The following FAM53A variants were observed in gnomAD, a reference collection of about 807,000 sequenced individuals.
FAM53A encodes protein FAM53A.
FAM53A carries 28 observed loss-of-function variants against 26.6 expected under a neutral mutation model. The ratio of observed to expected loss-of-function variants is 1.05; its 90% CI spans 0.78 to 1.45. The LOEUF (loss-of-function observed/expected upper bound fraction) is 1.45. Among genes scored for constraint, FAM53A ranks in the 40% most tolerant of loss-of-function variants. FAM53A has a pLI of 0.00. For missense variants in FAM53A, 650 were observed against 575.8 expected, an observed-to-expected ratio of 1.13 and a Z score of -1.32; for synonymous variants, 290 against 253.1, an observed-to-expected ratio of 1.15 and a Z score of -1.38.
chr4:1,615,205 GAAA>G (rs1714762600), downstream of FAM53A, among the ~76,000 whole-genome samples: 1 of 144,862 alleles, frequency 6.9e-6, no homozygotes, highest in Non-Finnish European at 1.5e-5. Context: ...CACACACACG[GAAA>G]ACAGGATGCG....
At chr4:1,611,556 C>T in the FAM53A span, among the ~76,000 whole-genome samples, 1 of 152,234 alleles carries the variant, frequency 6.6e-6, no homozygotes, top group Non-Finnish European at 1.5e-5. Flanking sequence ...CTTCAAAGGC[C>T]ACATGTAGCC....
the FAM53A span, among the ~76,000 whole-genome samples, chr4:1,593,528 A>G: frequency 2.0e-5 from 3 of 152,218 alleles, no homozygotes; most frequent in African/African-American, 7.2e-5. Context: ...CAGCTGATAA[A>G]TGGTCCCCTC....
rs1339385350 is a variant in FAM53A, at chr4:1,650,356, TTGAC to T, written c.882+4618_882+4621del. ...CTGTGAGGTGGCACAGGCGTGGTGT[TTGAC>T]TGTGAGGTGGCACAGGTGTGGTGTT... is the stretch of plus-strand genomic sequence containing the variant. On this transcript the variant is annotated intron_variant, in intron 4 of 4. Coordinates refer to ENST00000308132, the MANE Select transcript of FAM53A (RefSeq NM_001174070.3). Among the ~76,000 whole-genome samples the T allele has an allele frequency of 1.2e-4, 15 of 128,278 alleles. 1 individual carries two copies. The highest frequency in any genetic ancestry group is 1.4e-4 in the Non-Finnish European group (9 of 62,218). 84.2% of individuals were successfully genotyped at this position (128,278 alleles called of 152,430 possible).
At chr4:1,590,955 C>CATATATACATATACAT in the FAM53A span, among the ~76,000 whole-genome samples, 1 of 46,306 alleles carries the variant, frequency 2.2e-5, no homozygotes, top group East Asian at 7.0e-4. Flanking sequence ...TTATTTAATG[C>CATATATACATATACAT]ATATATATAT....
At chr4:1,598,808 C>T in the FAM53A span, among the ~76,000 whole-genome samples, 13,891 of 152,252 alleles carry the variant, frequency 0.091, 1,813 homozygotes, top group African/African-American at 0.29. Context: ...GCCCGGCGGG[C>T]GGAGCGTAAT....
At position 1,641,453 on chromosome 4, in the gene FAM53A, C is replaced by A; in HGVS notation, c.1037G>T (p.Ser346Ile). 6.2e-7 allele frequency: 1 copy of A among 1,614,084 alleles called. No homozygotes were observed. ...GGCCCACAGGTTGGGGTGGACAGGG[C>A]TGGTCCTGAGGCCCCTCTGGCTGCA... Reference protein sequence around the residue: ...PGCSQRGLRTSPVHPNLWASR... With the variant: ...PGCSQRGLRTIPVHPNLWASR... Residue 346 changes from serine to isoleucine, a missense_variant, in exon 5 of 5, where the codon AGC becomes ATC. Transcript: ENST00000308132.
chr4:1,625,335 A>G (rs541747260), intron 1 of FAM53A, among the ~76,000 whole-genome samples: 6 of 25,148 alleles, frequency 2.4e-4, no homozygotes, highest in African/African-American at 1.4e-3. Context: ...CAGGGGTCAC[A>G]CCAGGTGATC....
rs573941676 is a variant in FAM53A at position 1,647,271 on chromosome 4, G to A, written c.883-5664C>T. 1.1e-4 allele frequency among the ~76,000 whole-genome samples: 17 copies of A among 151,806 alleles called. No individual in the cohort carries two copies. In the East Asian group the frequency reaches 3.3e-3, roughly 29 times the overall value. On this transcript the variant is annotated intron_variant, in intron 4 of 4. Coordinates refer to ENST00000308132, the MANE Select transcript of FAM53A (RefSeq NM_001174070.3). ...AATCGCTTGAACCTGGGAGGCAGAG[G>A]TTGCAGTTAGCCGAGATGGCACCAT...
At chr4:1,637,432 G>A (rs960744759), downstream of FAM53A, among the ~76,000 whole-genome samples, 1 of 152,178 alleles carries the variant, frequency 6.6e-6, no homozygotes, top group African/African-American at 2.4e-5. Context: ...GGGACAGAGG[G>A]AGCCTGGGGG....
At chr4:1,577,082 C>T in the FAM53A span, among the ~76,000 whole-genome samples, 1 of 151,912 alleles carries the variant, frequency 6.6e-6, no homozygotes, top group East Asian at 1.9e-4. Context: ...ACGGTGGGGA[C>T]AGGGGCACTT....
the FAM53A span, among the ~76,000 whole-genome samples, chr4:1,584,542 C>T: frequency 6.6e-6 from 1 of 152,350 alleles, no homozygotes; most frequent in African/African-American, 2.4e-5. Flanking sequence ...GCAAGGGCAG[C>T]TCTTATTTGG....
the FAM53A span, among the ~76,000 whole-genome samples, chr4:1,598,184 G>A: frequency 1.3e-5 from 2 of 152,254 alleles, no homozygotes; most frequent in African/African-American, 4.8e-5. Flanking sequence ...CCGGCTGTGG[G>A]GAGGTAAGTG....
intron 4 of FAM53A, among the ~76,000 whole-genome samples, chr4:1,653,777 C>A (rs572599508): frequency 1.3e-5 from 2 of 152,248 alleles, no homozygotes; most frequent in Non-Finnish European, 2.9e-5. Context: ...GTGCCCTCAG[C>A]GTGGCCTAGG....
chr4:1,631,591 C>T (rs1490605823), intron 1 of FAM53A, among the ~76,000 whole-genome samples: 1 of 152,130 alleles, frequency 6.6e-6, no homozygotes, highest in Non-Finnish European at 1.5e-5. Context: ...GCCATATCCA[C>T]GGTGCACTGG....
chr4:1,642,834 C>G (rs964863259), intron 4 of FAM53A, among the ~76,000 whole-genome samples: 7 of 152,240 alleles, frequency 4.6e-5, no homozygotes, highest in Admixed American at 2.0e-4. Flanking sequence ...TCGACCACAC[C>G]ACGCTGGCTT....
At chr4:1,678,791 C>T (rs1319064802) in intron 1 of FAM53A, among the ~76,000 whole-genome samples, 1 of 152,072 alleles carries the variant, frequency 6.6e-6, no homozygotes, top group Admixed American at 6.6e-5. Context: ...CACTGCACTA[C>T]AGCCTGGGCA....
upstream of FAM53A, among the ~76,000 whole-genome samples, chr4:1,685,980 C>T (rs1308789472): frequency 6.6e-6 from 1 of 152,116 alleles, no homozygotes; most frequent in African/African-American, 2.4e-5. Context: ...TTATATCTAC[C>T]CACCCCTCTC....
chr4:1,645,324 CG>C (rs1044709463), intron 4 of FAM53A, among the ~76,000 whole-genome samples: 11 of 152,208 alleles, frequency 7.2e-5, no homozygotes, highest in African/African-American at 2.7e-4. Context: ...TGAGAAGCAC[CG>C]GGACCCTAGA....
chr4:1,610,776 A>C, the FAM53A span, among the ~76,000 whole-genome samples: 1 of 152,014 alleles, frequency 6.6e-6, no homozygotes, highest in Non-Finnish European at 1.5e-5. Flanking sequence ...GCACAGCCCC[A>C]TGACAGGGCA....
Sources: gnomAD v4.1 joint callset for allele counts (sites outside exome capture counted in the v4.1 genomes callset) on GRCh38, gnomAD v4.1.1 for gene constraint, MANE v1.5 for transcripts, NCBI Gene and HGNC (gene_info 2026-07-23, HGNC 2026-07-21) for gene names.